The following FARS2 variants were observed in gnomAD, a reference collection of about 807,000 sequenced individuals.
The protein encoded by FARS2 is phenylalanine--tRNA ligase, mitochondrial.
In FARS2, 40 loss-of-function variants were observed where a neutral mutation model predicts 46.4. That is an observed-to-expected ratio of 0.86 (90% CI 0.67 to 1.12). The LOEUF (loss-of-function observed/expected upper bound fraction) is 1.12. Among genes scored for constraint, FARS2 ranks in the 50% most tolerant of loss-of-function variants. The pLI is 0.00. For synonymous variants in FARS2, 234 were observed against 214.9 expected (o/e 1.09, Z -0.78); for missense variants, 513 against 567.9 (o/e 0.90, Z 0.98).
At chr6:5,387,066 C>A (rs975264922) in intron 2 of FARS2, among the ~76,000 whole-genome samples, 1 of 152,126 alleles carries the variant, frequency 6.6e-6, no homozygotes, top group African/African-American at 2.4e-5. Flanking sequence ...AGCTATCAAC[C>A]TAACTGTATT....
intron 6 of FARS2, chr6:5,665,184 G>C (rs545622150): frequency 1.3e-5 from 2 of 152,274 alleles, no homozygotes; most frequent in African/African-American, 4.8e-5. Flanking sequence ...CAAAAACCCC[G>C]ATGGCCAGGA....
At chr6:5,604,744 T>C (rs969165957) in intron 5 of FARS2, among the ~76,000 whole-genome samples, 2 of 151,800 alleles carry the variant, frequency 1.3e-5, no homozygotes, top group Non-Finnish European at 2.9e-5. Context: ...TGTACATACA[T>C]GTATATATCA....
At chr6:5,251,182 A>G in the FARS2 span, among the ~76,000 whole-genome samples, 1 of 152,232 alleles carries the variant, frequency 6.6e-6, no homozygotes. Flanking sequence ...ATACATACAC[A>G]CACACACACT....
At chr6:5,603,063 C>T (rs1456288069) in intron 5 of FARS2, among the ~76,000 whole-genome samples, 8 of 152,092 alleles carry the variant, frequency 5.3e-5, no homozygotes, top group African/African-American at 1.7e-4. Flanking sequence ...TGACCGATTT[C>T]GGCTGGTAAA....
At chr6:5,631,418 A>C (rs1182078423) in intron 6 of FARS2, among the ~76,000 whole-genome samples, 1 of 152,262 alleles carries the variant, frequency 6.6e-6, no homozygotes, top group Non-Finnish European at 1.5e-5. Context: ...AAAGGAGATC[A>C]ATATAGATAT....
At chr6:5,392,749 C>T (rs1299277630) in intron 2 of FARS2, among the ~76,000 whole-genome samples, 42 of 105,870 alleles carry the variant, frequency 4.0e-4, no homozygotes, top group African/African-American at 6.3e-4. Flanking sequence ...CACACACACA[C>T]ACACACACAC....
At chr6:5,318,263 G>A (rs1769685064) in intron 1 of FARS2, among the ~76,000 whole-genome samples, 1 of 151,882 alleles carries the variant, frequency 6.6e-6, no homozygotes, top group Non-Finnish European at 1.5e-5. Flanking sequence ...GTTGGCTGAG[G>A]CAAGAGAATC....
Position 5,384,622 on chromosome 6 carries a change from T to C in FARS2, c.612+15440T>C, listed in dbSNP as rs115944092. 3.9e-3 allele frequency among the ~76,000 whole-genome samples: 587 copies of C among 152,244 alleles called. 8 individuals carry two copies. The highest frequency in any genetic ancestry group is 0.013 in the African/African-American group (553 of 41,536). On this transcript the variant is annotated intron_variant, in intron 2 of 6. Transcript: ENST00000274680. ...TCATGGAGGCTTAAGTAGGGGGAGA[T>C]ATGGACAGGCCATGTTGGCCAGCGA...
intron 2 of FARS2, among the ~76,000 whole-genome samples, chr6:5,390,769 C>T (rs1257624706): frequency 6.6e-6 from 1 of 152,154 alleles, no homozygotes; most frequent in Non-Finnish European, 1.5e-5. Flanking sequence ...ATAGCTGCCC[C>T]AGGTATGGCC....
chr6:5,564,328 G>A (rs1360219351), intron 5 of FARS2, among the ~76,000 whole-genome samples: 3 of 152,064 alleles, frequency 2.0e-5, no homozygotes, highest in South Asian at 2.1e-4. Flanking sequence ...CCGGGTTATG[G>A]GCACCTTACT....
At chr6:5,729,375 A>T (rs1760481446) in intron 6 of FARS2, among the ~76,000 whole-genome samples, 1 of 152,180 alleles carries the variant, frequency 6.6e-6, no homozygotes, top group South Asian at 2.1e-4. Context: ...GGCGAGGCTC[A>T]GAGCCTGCCC....
rs1250348584 is a variant in FARS2 at position 5,546,385 on chromosome 6, G to A, written c.1065+1045G>A. On this transcript the variant is annotated intron_variant, in intron 5 of 6. Coordinates refer to ENST00000274680, the MANE Select transcript of FARS2 (RefSeq NM_006567.5). ...CCTGCCTCAGCCTCCTGAGCAGCTG[G>A]GATTACAGGCGCCCACCACTACGCC... 2.6e-5 allele frequency among the ~76,000 whole-genome samples: 4 copies of A among 151,256 alleles called. No individual in the cohort carries two copies. In the South Asian group the frequency reaches 8.4e-4, roughly 32 times the overall value.
chr6:5,294,390 A>G (rs1457263742), intron 1 of FARS2, among the ~76,000 whole-genome samples: 1 of 152,150 alleles, frequency 6.6e-6, no homozygotes, highest in Non-Finnish European at 1.5e-5. Context: ...TCTTCACACT[A>G]CAACAATCAT....
chr6:5,715,939 A>G (rs1759467479), intron 6 of FARS2, among the ~76,000 whole-genome samples: 1 of 152,140 alleles, frequency 6.6e-6, no homozygotes, highest in Non-Finnish European at 1.5e-5. Context: ...AGAGTGTATG[A>G]GGGTTCAAAT....
intron 5 of FARS2, among the ~76,000 whole-genome samples, chr6:5,564,315 C>T (rs565393738): frequency 6.6e-6 from 1 of 152,158 alleles, no homozygotes; most frequent in Non-Finnish European, 1.5e-5. Context: ...AACAAAGAAA[C>T]CTCCGGGTTA....
At chr6:5,596,906 C>A (rs761211060) in intron 5 of FARS2, among the ~76,000 whole-genome samples, 4 of 152,334 alleles carry the variant, frequency 2.6e-5, no homozygotes, top group African/African-American at 9.6e-5. Context: ...TGGTTAAATC[C>A]AGCATGTCTC....
At chr6:5,609,892 G>A (rs2150664443) in intron 5 of FARS2, 2 of 1,012,408 alleles carry the variant, frequency 2.0e-6, no homozygotes, top group South Asian at 2.5e-5. Context: ...CTTTTTCACA[G>A]TTAAGTGGGC....
intron 4 of FARS2, among the ~76,000 whole-genome samples, chr6:5,448,471 G>GTTT (rs35279187): frequency 2.1e-5 from 3 of 145,526 alleles, no homozygotes; most frequent in East Asian, 2.0e-4. Flanking sequence ...CATTTTTTCT[G>GTTT]TTTTTTTTTT....
chr6:5,688,932 G>A (rs1582767803), intron 6 of FARS2, among the ~76,000 whole-genome samples: 1 of 152,168 alleles, frequency 6.6e-6, no homozygotes, highest in Non-Finnish European at 1.5e-5. Flanking sequence ...AGTCTTGGGA[G>A]GGTGTATGTG....
Sources: allele counts gnomAD v4.1 joint callset (sites outside exome capture counted in the v4.1 genomes callset), GRCh38; gene constraint gnomAD v4.1.1; transcripts MANE v1.5; gene names NCBI Gene and HGNC (gene_info 2026-07-23, HGNC 2026-07-21).